Variants in FER observed in about 807,000 individuals in gnomAD.
FER encodes FER tyrosine kinase.
Under a neutral mutation model 111.0 loss-of-function variants are expected in FER, and 63 were observed. That is an observed-to-expected ratio of 0.57 (90% CI 0.46 to 0.70). The LOEUF (loss-of-function observed/expected upper bound fraction) is 0.70, where lower values mean the gene tolerates loss of function less well. FER is among the 30% of genes least tolerant of loss of function. The probability of loss-of-function intolerance (pLI) is 0.00; values close to 1 mark genes in which losing one functional copy is unlikely to be tolerated. For missense variants in FER, 914 were observed against 954.0 expected (o/e 0.96, Z 0.55); for synonymous variants, 327 against 313.9 (o/e 1.04, Z -0.44).
At chr5:109,033,957 A>G (rs1338336998) in intron 13 of FER, among the ~76,000 whole-genome samples, 1 of 152,198 alleles carries the variant, frequency 6.6e-6, no homozygotes, top group African/African-American at 2.4e-5. Context: ...TAACATATCC[A>G]TCACTTCACA....
At chr5:108,777,852 G>T (rs1304033673) in intron 2 of FER, among the ~76,000 whole-genome samples, 1 of 152,090 alleles carries the variant, frequency 6.6e-6, no homozygotes, top group Non-Finnish European at 1.5e-5. Context: ...CAGATCTCGT[G>T]AGACCCATTC....
rs1431147681 is a variant in FER at position 108,835,181 on chromosome 5, GCCACCC to G, written c.382-524_382-519del. On this transcript the variant is annotated intron_variant, in intron 4 of 19. Transcript: ENST00000281092. ...ATGGCAGTGTTATTTCTTCGTTTGC[GCCACCC>G]CCCCCCCCCCACTTTTTTTTTGAGT... is the stretch of plus-strand genomic sequence containing the variant. Among the ~76,000 whole-genome samples, 14 of 56,328 alleles carry G rather than the reference GCCACCC, an allele frequency of 2.5e-4. 1 individual carries two copies. The highest frequency in any genetic ancestry group is 1.3e-3 in the African/African-American group (11 of 8,672). The allele number at this position is 56,328 out of a possible 152,430, so 37.0% of individuals were successfully genotyped here. A position where few individuals can be genotyped will look rare whatever the true frequency, so the allele number is the denominator to read the frequency against.
chr5:108,790,235 C>CCCCACACACA (rs1554065058), intron 2 of FER, among the ~76,000 whole-genome samples: 1 of 145,094 alleles, frequency 6.9e-6, no homozygotes, highest in Non-Finnish European at 1.5e-5. Context: ...TGCATACACA[C>CCCCACACACA]CACACACACA....
intron 6 of FER, among the ~76,000 whole-genome samples, chr5:108,871,063 G>A (rs997728581): frequency 6.6e-6 from 1 of 152,094 alleles, no homozygotes; most frequent in Admixed American, 6.6e-5. Context: ...AGAATATTTA[G>A]ACATAGAAAG....
At chr5:108,947,330 T>G (rs180674736) in intron 11 of FER, among the ~76,000 whole-genome samples, 228 of 152,148 alleles carry the variant, frequency 1.5e-3, no homozygotes, top group Admixed American at 9.1e-3. Context: ...ATATGAATAT[T>G]TTGATTTCTC....
At chr5:109,001,604 A>G (rs912371801) in intron 13 of FER, among the ~76,000 whole-genome samples, 32 of 152,286 alleles carry the variant, frequency 2.1e-4, no homozygotes, top group African/African-American at 7.2e-4. Flanking sequence ...CACCACTCCT[A>G]TTCAACATAG....
intron 16 of FER, chr5:109,051,336 A>C: frequency 1.2e-6 from 2 of 1,603,744 alleles, no homozygotes; most frequent in East Asian, 2.2e-5. Flanking sequence ...CATCAGGCTG[A>C]GGCCTGCTGC....
At chr5:108,944,686 A>G (rs750706850) in intron 10 of FER, among the ~76,000 whole-genome samples, 9 of 152,026 alleles carry the variant, frequency 5.9e-5, no homozygotes, top group Non-Finnish European at 1.0e-4. Context: ...AATGAGTTTC[A>G]TGTTTTATTT....
intron 10 of FER, among the ~76,000 whole-genome samples, chr5:108,900,638 A>G (rs1056686649): frequency 2.0e-5 from 3 of 152,196 alleles, no homozygotes; most frequent in Admixed American, 1.3e-4. Flanking sequence ...GAGACAATGA[A>G]TTATGCTCCA....
At position 108,820,590 on chromosome 5, in the gene FER, A is replaced by C. The variant is rs192347183; in HGVS notation, c.208-12180A>C. 3.9e-4 allele frequency: 376 copies of C among 961,538 alleles called. 2 individuals carry two copies. In the African/African-American group the frequency reaches 6.0e-3, roughly 15 times the overall value. The allele number at this position is 961,538 out of a possible 1,614,324, so 59.6% of individuals were successfully genotyped here. ...TTTAGATACTTAGATTTACCTTTTT[A>C]ATACCAGTAGTAATATCCCGGTAGT... On this transcript the variant is annotated intron_variant, in intron 3 of 19. Coordinates refer to ENST00000281092, the MANE Select transcript of FER (RefSeq NM_005246.4).
intron 17 of FER, among the ~76,000 whole-genome samples, chr5:109,138,562 T>C (rs915664256): frequency 2.6e-5 from 4 of 152,192 alleles, no homozygotes; most frequent in Non-Finnish European, 4.4e-5. Context: ...GCTAAAGGCC[T>C]TAGACTTAGT....
intron 13 of FER, among the ~76,000 whole-genome samples, chr5:108,991,712 T>C (rs538295944): frequency 6.6e-6 from 1 of 152,108 alleles, no homozygotes; most frequent in Non-Finnish European, 1.5e-5. Flanking sequence ...TAAGGTTTTT[T>C]TTAGCACTTG....
intron 2 of FER, among the ~76,000 whole-genome samples, chr5:108,791,927 GTTGAAAAGAC>G (rs1362597746): frequency 1.3e-5 from 2 of 152,176 alleles, no homozygotes; most frequent in African/African-American, 4.8e-5. Context: ...AGAACCAGTT[GTTGAAAAGAC>G]TTTTCTTTTC....
intron 16 of FER, among the ~76,000 whole-genome samples, chr5:109,077,992 CA>C (rs1345949892): frequency 1.3e-5 from 2 of 151,930 alleles, no homozygotes; most frequent in Middle Eastern, 3.2e-3. Flanking sequence ...ACTTGCAGAT[CA>C]AAAAAGTTTT....
At chr5:109,158,684 G>A (rs1318674073) in intron 17 of FER, among the ~76,000 whole-genome samples, 1 of 152,046 alleles carries the variant, frequency 6.6e-6, no homozygotes, top group Admixed American at 6.6e-5. Context: ...CCAGAATCTA[G>A]CTTGAGTGTC....
chr5:109,173,644 C>CT (rs1757370973), intron 17 of FER, among the ~76,000 whole-genome samples: 1 of 152,126 alleles, frequency 6.6e-6, no homozygotes. Context: ...TTTTTTCCCA[C>CT]TGTCAGAACA....
intron 13 of FER, 23 bp downstream of exon 13, chr5:108,959,370 G>A (rs774284585): frequency 6.4e-7 from 1 of 1,563,610 alleles, no homozygotes. Context: ...ATACTTTTTT[G>A]TCTGTTTGTT....
chr5:108,933,175 A>G (rs1019513466), intron 10 of FER, among the ~76,000 whole-genome samples: 1 of 152,108 alleles, frequency 6.6e-6, no homozygotes, highest in Non-Finnish European at 1.5e-5. Context: ...GCCCATGCCT[A>G]TGTCCTGAAT....
At chr5:108,834,388 C>T (rs527639927) in intron 4 of FER, among the ~76,000 whole-genome samples, 1 of 152,150 alleles carries the variant, frequency 6.6e-6, no homozygotes, top group African/African-American at 2.4e-5. Context: ...GTGTTGTCAA[C>T]CTGATCAATC....
Sources: allele counts gnomAD v4.1 joint callset (sites outside exome capture counted in the v4.1 genomes callset), GRCh38; gene constraint gnomAD v4.1.1; transcripts MANE v1.5; gene names NCBI Gene and HGNC (gene_info 2026-07-23, HGNC 2026-07-21).